The following WWOX variants were observed in gnomAD, a reference collection of about 807,000 sequenced individuals.
WWOX encodes the protein WW domain containing oxidoreductase, also known as WW domain-containing oxidoreductase.
A neutral mutation model predicts 46.2 loss-of-function variants in WWOX; 69 were observed. That is an observed-to-expected ratio of 1.49 (90% CI 1.23 to 1.82). WWOX has a LOEUF of 1.82. WWOX is among the 40% of genes most tolerant of loss of function. WWOX has a pLI of 0.00. For synonymous variants in WWOX, 359 were observed against 202.6 expected (o/e 1.77, Z -6.56); for missense variants, 919 against 542.6 (o/e 1.69, Z -6.89).
At chr16:78,752,141 G>T (rs1261264411) in intron 8 of WWOX, among the ~76,000 whole-genome samples, 2 of 152,202 alleles carry the variant, frequency 1.3e-5, no homozygotes, top group Admixed American at 6.5e-5. Context: ...AGTATCTCTT[G>T]TACAATGTCT....
chr16:78,939,687 A>C (rs1032493779), intron 8 of WWOX, among the ~76,000 whole-genome samples: 5 of 152,222 alleles, frequency 3.3e-5, no homozygotes, highest in East Asian at 1.9e-4. Flanking sequence ...TGAAACATGA[A>C]AGTGTTTGGG....
chr16:78,791,876 C>G (rs1242234182), intron 8 of WWOX, among the ~76,000 whole-genome samples: 3 of 152,036 alleles, frequency 2.0e-5, no homozygotes, highest in Non-Finnish European at 1.5e-5. Flanking sequence ...AAACTTTTGT[C>G]TCAAAAACAA....
chr16:78,427,777 C>G (rs1258825630), intron 7 of WWOX, among the ~76,000 whole-genome samples: 2 of 151,764 alleles, frequency 1.3e-5, no homozygotes, highest in Non-Finnish European at 2.9e-5. Flanking sequence ...GACCCCATCT[C>G]TAAAATAAAA....
intron 5 of WWOX, among the ~76,000 whole-genome samples, chr16:78,249,556 T>G (rs1490344931): frequency 6.6e-6 from 1 of 152,202 alleles, no homozygotes; most frequent in Non-Finnish European, 1.5e-5. Flanking sequence ...GGGCTGAGTT[T>G]TTAATGTGGC....
In WWOX at chr16:78,390,321, C is replaced by T. The variant is rs186600279; in HGVS notation, c.605+3373C>T. Among the ~76,000 whole-genome samples the T allele has an allele frequency of 1.3e-4, 20 of 152,294 alleles. 1 individual carries two copies. The East Asian group carries it at 3.9e-3, about 29-fold the overall frequency. ...CTTAACTGGACCATTAGTTTTTAAC[C>T]ATTAAGTAGTTGGGAAATCATCAAG... is the stretch of plus-strand genomic sequence containing the variant. On this transcript the variant is annotated intron_variant, in intron 6 of 8. Coordinates refer to ENST00000566780, the MANE Select transcript of WWOX (RefSeq NM_016373.4).
chr16:79,031,931 T>A (rs952369986), intron 8 of WWOX, among the ~76,000 whole-genome samples: 3 of 76,756 alleles, frequency 3.9e-5, no homozygotes, highest in South Asian at 4.9e-4. Flanking sequence ...TATATAGATA[T>A]CTGTATACAG....
intron 8 of WWOX, among the ~76,000 whole-genome samples, chr16:79,068,976 G>T (rs774266628): frequency 3.9e-5 from 6 of 152,110 alleles, no homozygotes; most frequent in Non-Finnish European, 7.4e-5. Context: ...ACGCACAGGC[G>T]TAAGATATGC....
rs1306506087 is a variant in WWOX at position 78,815,704 on chromosome 16, G to T, written c.1056+382952G>T. On this transcript the variant is annotated intron_variant, in intron 8 of 8. Coordinates refer to ENST00000566780, the MANE Select transcript of WWOX (RefSeq NM_016373.4). ...TTCCTTCCCTTCCTGTTCTTTTAAG[G>T]AAATCTGAAAAGGAGCAAAAGAGCT... 2.0e-5 allele frequency among the ~76,000 whole-genome samples: 3 copies of T among 152,110 alleles called. No homozygotes were observed. In the East Asian group the frequency reaches 5.8e-4, roughly 29 times the overall value.
In WWOX at chr16:78,432,519, C is replaced by T. The variant is rs1272996029; in HGVS notation, c.823C>T (p.Leu275=). The T allele has an allele frequency of 7.4e-6, 12 of 1,614,190 alleles. No individual in the cohort carries two copies. The South Asian group carries it at 1.2e-4, about 16-fold the overall frequency. Residue 275 remains leucine, a synonymous_variant, in exon 8 of 9, where the codon CTG becomes TTG. Coordinates refer to ENST00000566780, the MANE Select transcript of WWOX (RefSeq NM_016373.4). ...AGATATTAACGACTCCTTGGGAAAACTGGACTTCAGTCGCCTCTCTCCAAC... is the reference window on the plus strand; with the variant it reads ...AGATATTAACGACTCCTTGGGAAAATTGGACTTCAGTCGCCTCTCTCCAAC... The part of the protein sequence containing the change: ...FTDINDSLGK[L]DFSRLSPTKN...
At chr16:79,199,362 C>G (rs930569182) in intron 8 of WWOX, among the ~76,000 whole-genome samples, 2 of 152,186 alleles carry the variant, frequency 1.3e-5, no homozygotes, top group Non-Finnish European at 2.9e-5. Flanking sequence ...GGTGCCAGGC[C>G]TCTCCTGTCT....
chr16:78,495,135 C>T (rs1159533022), intron 8 of WWOX, among the ~76,000 whole-genome samples: 3 of 85,032 alleles, frequency 3.5e-5, no homozygotes, highest in African/African-American at 6.2e-5. Context: ...TAGTAGTAGA[C>T]TGTTGTGTTC....
intron 8 of WWOX, among the ~76,000 whole-genome samples, chr16:78,796,443 C>G (rs2050739902): frequency 6.6e-6 from 1 of 152,344 alleles, no homozygotes; most frequent in Middle Eastern, 3.4e-3. Flanking sequence ...GGCCAGAATT[C>G]AGTCACATGA....
chr16:78,868,602 C>T (rs571091421), intron 8 of WWOX, among the ~76,000 whole-genome samples: 2 of 152,234 alleles, frequency 1.3e-5, no homozygotes, highest in East Asian at 1.9e-4. Flanking sequence ...GTTACAGGAA[C>T]ATAGAAAGAT....
chr16:78,433,346 A>T (rs775877087), intron 8 of WWOX, among the ~76,000 whole-genome samples: 1 of 152,216 alleles, frequency 6.6e-6, no homozygotes, highest in Non-Finnish European at 1.5e-5. Context: ...TACAAAGGTG[A>T]TAAGATGTTT....
At chr16:79,176,358 A>G (rs1044821296) in intron 8 of WWOX, among the ~76,000 whole-genome samples, 2 of 152,152 alleles carry the variant, frequency 1.3e-5, no homozygotes, top group Admixed American at 6.5e-5. Flanking sequence ...CCTTAACCTC[A>G]TTCTATTGGT....
chr16:78,322,630 C>G (rs9930037), intron 5 of WWOX, among the ~76,000 whole-genome samples: 13,658 of 152,262 alleles, frequency 0.09, 724 homozygotes, highest in Admixed American at 0.15. Context: ...TGAAGCAACT[C>G]TTCATCACCA....
chr16:78,366,074 C>G (rs928593983), intron 5 of WWOX, among the ~76,000 whole-genome samples: 3 of 152,160 alleles, frequency 2.0e-5, no homozygotes, highest in Admixed American at 1.3e-4. Context: ...AATGTCTGTT[C>G]TTAGCACCCT....
At chr16:78,796,957 C>G (rs919623817) in intron 8 of WWOX, among the ~76,000 whole-genome samples, 1 of 151,872 alleles carries the variant, frequency 6.6e-6, no homozygotes, top group African/African-American at 2.4e-5. Flanking sequence ...TTCCAAGTAG[C>G]TGGGATTATA....
intron 8 of WWOX, among the ~76,000 whole-genome samples, chr16:78,582,786 C>T (rs890861223): frequency 5.3e-5 from 8 of 152,126 alleles, no homozygotes; most frequent in Non-Finnish European, 8.8e-5. Context: ...CATCAGGGGT[C>T]CTTATTCCAC....
Sources: gnomAD v4.1 joint callset for allele counts (sites outside exome capture counted in the v4.1 genomes callset) on GRCh38, gnomAD v4.1.1 for gene constraint, MANE v1.5 for transcripts, NCBI Gene and HGNC (gene_info 2026-07-23, HGNC 2026-07-21) for gene names.